The following FREM3 variants were observed in gnomAD, a reference collection of about 807,000 sequenced individuals.
The protein encoded by FREM3 is FRAS1-related extracellular matrix protein 3.
A neutral mutation model predicts 129.1 loss-of-function variants in FREM3; 105 were observed. That is an observed-to-expected ratio of 0.81 (90% CI 0.69 to 0.96). The LOEUF (loss-of-function observed/expected upper bound fraction) is 0.96. Among genes scored for constraint, FREM3 ranks in the 40% least tolerant of loss-of-function variants. The pLI, the probability that FREM3 is intolerant of heterozygous loss-of-function variation, is 0.00. For synonymous variants in FREM3, 1,014 were observed against 1,044.9 expected (o/e 0.97, Z 0.57); for missense variants, 2,593 against 2,666.3 (o/e 0.97, Z 0.61).
At chr4:143,637,220 G>A (rs1469094895) in intron 2 of FREM3, among the ~76,000 whole-genome samples, 1 of 152,050 alleles carries the variant, frequency 6.6e-6, no homozygotes, top group African/African-American at 2.4e-5. Flanking sequence ...CACATGCACA[G>A]CTCCAGTTAC....
rs115590443 is a variant in FREM3 at position 143,641,938 on chromosome 4, A to G, written c.5276-14178T>C. Among the ~76,000 whole-genome samples the G allele has an allele frequency of 2.0e-3, 300 of 152,292 alleles. 3 individuals are homozygous for G. Among genetic ancestry groups the G allele is most frequent in the African/African-American group, 7.0e-3 (293 of 41,572 alleles). ...ACTGGGTCTGTTAGGCATCATTTTGAATGATGCTGTATAGAGAGGAAAAAT... is the reference window on the plus strand; with the variant it reads ...ACTGGGTCTGTTAGGCATCATTTTGGATGATGCTGTATAGAGAGGAAAAAT... On this transcript the variant is annotated intron_variant, in intron 2 of 7. Transcript: ENST00000329798.
At chr4:143,622,742 C>T (rs1471603244) in intron 4 of FREM3, among the ~76,000 whole-genome samples, 3 of 152,148 alleles carry the variant, frequency 2.0e-5, no homozygotes, top group Non-Finnish European at 4.4e-5. Flanking sequence ...CTAAGTTATT[C>T]AGTCATGCCC....
At chr4:143,661,085 T>G (rs1413157565) in intron 2 of FREM3, among the ~76,000 whole-genome samples, 1 of 152,220 alleles carries the variant, frequency 6.6e-6, no homozygotes, top group African/African-American at 2.4e-5. Context: ...TTTCGTTCGC[T>G]GCCTGATTGC....
At chr4:143,628,394 C>A (rs78367547) in intron 2 of FREM3, among the ~76,000 whole-genome samples, 15,007 of 152,126 alleles carry the variant, frequency 0.099, 821 homozygotes, top group Non-Finnish European at 0.12. Context: ...AACCCAGCCC[C>A]TTATTGTGGC....
At chr4:143,627,481 C>T (rs1739060608) in intron 3 of FREM3, 133 bp downstream of exon 3, 1 of 796,558 alleles carries the variant, frequency 1.3e-6, no homozygotes, top group Non-Finnish European at 2.0e-6. Flanking sequence ...GGCACATTTT[C>T]ACAGACACTT....
chr4:143,693,451 G>A (rs933374324), intron 1 of FREM3, among the ~76,000 whole-genome samples: 1 of 152,120 alleles, frequency 6.6e-6, no homozygotes, highest in Admixed American at 6.5e-5. Flanking sequence ...AAAAATAACA[G>A]ATGCTGGGTG....
intron 6 of FREM3, among the ~76,000 whole-genome samples, chr4:143,607,316 A>G (rs1462528200): frequency 6.6e-6 from 1 of 151,992 alleles, no homozygotes; most frequent in Admixed American, 6.6e-5. Context: ...TCCTTTCTCT[A>G]TCCTCAAGTT....
rs144150717 is a variant in FREM3 at position 143,667,707 on chromosome 4, C to T, written c.5275+25406G>A. Reference sequence around the variant, plus strand: ...TCCAGCTGTAATCCTGCCAGCACTACAAAATGTCTGCCCGGAGTAGGGCTT... The same window carrying T: ...TCCAGCTGTAATCCTGCCAGCACTATAAAATGTCTGCCCGGAGTAGGGCTT... On this transcript the variant is annotated intron_variant, in intron 2 of 7. Coordinates refer to ENST00000329798, the MANE Select transcript of FREM3 (RefSeq NM_001168235.2). Among the ~76,000 whole-genome samples, 5 of 152,316 alleles carry T rather than the reference C, an allele frequency of 3.3e-5. No individual in the cohort carries two copies. The East Asian group carries it at 9.7e-4, about 29-fold the overall frequency.
intron 6 of FREM3, among the ~76,000 whole-genome samples, chr4:143,597,370 A>G (rs545587596): frequency 3.3e-5 from 5 of 152,282 alleles, no homozygotes; most frequent in African/African-American, 9.6e-5. Flanking sequence ...TAAATTAACT[A>G]TAGTGCCCAA....
At chr4:143,693,810 T>C (rs1740517819) in intron 1 of FREM3, among the ~76,000 whole-genome samples, 1 of 152,220 alleles carries the variant, frequency 6.6e-6, no homozygotes, top group Non-Finnish European at 1.5e-5. Flanking sequence ...CTTCTCGTTG[T>C]TGTTTTTTCA....
chr4:143,698,048 G>A lies in FREM3; in HGVS notation c.2628C>T (p.His876=), dbSNP rs1289146293. The A allele has an allele frequency of 6.5e-6, 10 of 1,537,346 alleles. No individual in the cohort carries two copies. The highest frequency in any genetic ancestry group is 7.8e-6 in the Non-Finnish European group (9 of 1,146,934). The change falls in exon 1 of 8, where the codon CAC becomes CAT. Residue 876 remains histidine, a synonymous_variant. Transcript: ENST00000329798. ...CCATACATCTTTTAAAGTACTGCAA[G>A]TGTCCATGTTGGGGACCCCGGACTA... ...FILVRGPQHG[H]LQYFKRCMVP...
Position 143,697,364 on chromosome 4 carries a change from T to G in FREM3, c.3312A>C (p.Glu1104Asp), listed in dbSNP as rs768361628. The change falls in exon 1 of 8, where the codon GAA becomes GAC. Residue 1104 changes from glutamate to aspartate, a missense_variant. Around this residue, in one of 2 missense-constraint regions of FREM3, gnomAD observed 2,276 missense variants for 2,267.2 expected, o/e 1.00. Coordinates refer to ENST00000329798, the MANE Select transcript of FREM3 (RefSeq NM_001168235.2). ...GCTGACTAGTCACTGTGCAGAGGAG[T>G]TCATCTTGATGAGTGTCCACATCTT... is the stretch of plus-strand genomic sequence containing the variant. ...HVEDVDTHQD[E>D]LLCTVTSQPA... is the part of the protein sequence containing the mutation. The G allele has an allele frequency of 2.6e-6, 4 of 1,536,962 alleles. No individual in the cohort carries two copies. The African/African-American group carries it at 4.1e-5, about 16-fold the overall frequency.
chr4:143,693,493 G>T lies in FREM3; in HGVS notation c.5186-291C>A, dbSNP rs573615016. On this transcript the variant is annotated intron_variant, in intron 1 of 7. Coordinates refer to ENST00000329798, the MANE Select transcript of FREM3 (RefSeq NM_001168235.2). ...TAGAGAAAAAGGAACACTATACATTGTTGGTAGGAGTGTAAATTAGTTCCA... is the reference window on the plus strand; with the variant it reads ...TAGAGAAAAAGGAACACTATACATTTTTGGTAGGAGTGTAAATTAGTTCCA... Among the ~76,000 whole-genome samples, 43 of 152,310 alleles carry T rather than the reference G, an allele frequency of 2.8e-4. 1 individual carries two copies. The South Asian group carries it at 8.9e-3, about 32-fold the overall frequency.
chr4:143,594,462 G>A (rs1738429474), intron 6 of FREM3, among the ~76,000 whole-genome samples: 1 of 152,180 alleles, frequency 6.6e-6, no homozygotes, highest in Non-Finnish European at 1.5e-5. Flanking sequence ...TAGTGATGCA[G>A]TGGCTGGCAT....
chr4:143,648,759 C>T (rs2149848239), intron 2 of FREM3, among the ~76,000 whole-genome samples: 1 of 152,322 alleles, frequency 6.6e-6, no homozygotes, highest in Middle Eastern at 3.4e-3. Context: ...GGCAGTTCTT[C>T]ATAGCTGTGT....
At chr4:143,591,037 T>C (rs192771655) in intron 6 of FREM3, among the ~76,000 whole-genome samples, 557 of 152,362 alleles carry the variant, frequency 3.7e-3, no homozygotes, top group Non-Finnish European at 5.7e-3. Context: ...GAGGTGTTTA[T>C]AGTATTCTCT....
At chr4:143,587,143 A>G (rs369581544) in intron 6 of FREM3, among the ~76,000 whole-genome samples, 1 of 152,196 alleles carries the variant, frequency 6.6e-6, no homozygotes. Context: ...AACAGCTCCC[A>G]ATACACTGAA....
Position 143,695,685 on chromosome 4 carries a change from G to T in FREM3, c.4991C>A (p.Thr1664Asn). 1 of 1,537,220 alleles carries T rather than the reference G, an allele frequency of 6.5e-7. No individual in the cohort carries two copies. ...SLDNRLPQIT[T>N]NRGAPALKRL... ...CTTCAAGGCTGGGGCACCCCTGTTG[G>T]TAGTAATCTGGGGAAGCCTATTGTC... is the stretch of plus-strand genomic sequence containing the variant. Residue 1664 changes from threonine to asparagine, a missense_variant, in exon 1 of 8, where the codon ACC becomes AAC. Physicochemically the swap from Thr to Asn is moderately conservative, Grantham distance 65. This residue lies in a region of FREM3 where 2,276 missense variants were observed against 2,267.2 expected (regional missense o/e 1.00). Coordinates refer to ENST00000329798, the MANE Select transcript of FREM3 (RefSeq NM_001168235.2).
At chr4:143,634,934 T>C (rs953035320) in intron 2 of FREM3, among the ~76,000 whole-genome samples, 24 of 152,172 alleles carry the variant, frequency 1.6e-4, no homozygotes, top group Middle Eastern at 3.4e-3. Flanking sequence ...CAGGCTTCAG[T>C]TGGGAGAACT....
Sources: allele counts gnomAD v4.1 joint callset (sites outside exome capture counted in the v4.1 genomes callset), GRCh38; gene constraint gnomAD v4.1.1; regional missense constraint gnomAD v4.1.1; transcripts MANE v1.5; gene names NCBI Gene and HGNC (gene_info 2026-07-23, HGNC 2026-07-21).